Variants in QKI observed in about 807,000 individuals in gnomAD.
The protein encoded by QKI is KH domain-containing RNA-binding protein QKI.
QKI carries 10 observed loss-of-function variants against 39.0 expected under a neutral mutation model. That is an observed-to-expected ratio of 0.26 (90% CI 0.16 to 0.43). QKI has a LOEUF of 0.43. QKI is among the 20% of genes least tolerant of loss of function. QKI has a pLI of 1.00. For missense variants in QKI, 218 were observed against 428.0 expected (o/e 0.51, Z 4.33); for synonymous variants, 204 against 155.4 (o/e 1.31, Z -2.33).
intron 1 of QKI, among the ~76,000 whole-genome samples, chr6:163,442,435 C>G (rs931147254): frequency 1.3e-5 from 2 of 152,084 alleles, no homozygotes; most frequent in Non-Finnish European, 2.9e-5. Flanking sequence ...AAAGTTTGAA[C>G]AGAGGAGTGA....
intron 3 of QKI, among the ~76,000 whole-genome samples, chr6:163,515,702 G>A (rs1211648656): frequency 2.6e-5 from 4 of 152,102 alleles, no homozygotes; most frequent in Non-Finnish European, 4.4e-5. Flanking sequence ...ATGATATGGC[G>A]ATAGGTCATT....
chr6:163,483,283 C>T (rs1157888993), intron 3 of QKI, among the ~76,000 whole-genome samples: 1 of 152,094 alleles, frequency 6.6e-6, no homozygotes, highest in African/African-American at 2.4e-5. Flanking sequence ...ATGTTGATGG[C>T]ATGTTGATGG....
intron 1 of QKI, among the ~76,000 whole-genome samples, chr6:163,453,983 TGCC>T: frequency 6.6e-6 from 1 of 152,064 alleles, no homozygotes; most frequent in African/African-American, 2.4e-5. Flanking sequence ...AATTAAAGAG[TGCC>T]TTCATATTTG....
chr6:163,428,702 C>T (rs1788596979), intron 1 of QKI, among the ~76,000 whole-genome samples: 1 of 149,996 alleles, frequency 6.7e-6, no homozygotes, highest in Non-Finnish European at 1.5e-5. Flanking sequence ...CAGAAGTGTA[C>T]TTTAATGTAT....
At chr6:163,460,619 C>T (rs1263627882) in intron 2 of QKI, among the ~76,000 whole-genome samples, 1 of 152,040 alleles carries the variant, frequency 6.6e-6, no homozygotes, top group African/African-American at 2.4e-5. Flanking sequence ...GGGTGTTGAG[C>T]TGGCGTTTGT....
At chr6:163,480,417 G>A (rs1182011325) in intron 3 of QKI, among the ~76,000 whole-genome samples, 1 of 152,118 alleles carries the variant, frequency 6.6e-6, no homozygotes, top group East Asian at 1.9e-4. Context: ...CAGGGTATCT[G>A]ATAAACTTGT....
At chr6:163,514,506 G>A (rs955124742) in intron 3 of QKI, among the ~76,000 whole-genome samples, 1 of 152,032 alleles carries the variant, frequency 6.6e-6, no homozygotes, top group Non-Finnish European at 1.5e-5. Flanking sequence ...TGGTAGTTGG[G>A]ACAGTTCTAA....
chr6:163,450,850 C>A (rs1424142261), intron 1 of QKI, among the ~76,000 whole-genome samples: 2 of 152,212 alleles, frequency 1.3e-5, no homozygotes, highest in African/African-American at 4.8e-5. Flanking sequence ...GATGGCATAA[C>A]CTGTAGATTC....
chr6:163,488,995 A>T lies in QKI; in HGVS notation c.402+10099A>T, dbSNP rs538729872. Among the ~76,000 whole-genome samples, 102 of 145,372 alleles carry T rather than the reference A, an allele frequency of 7.0e-4. 2 individuals carry two copies. In the South Asian group the frequency reaches 0.02, roughly 29 times the overall value. On this transcript the variant is annotated intron_variant, in intron 3 of 7. Coordinates refer to ENST00000361752, the MANE Select transcript of QKI (RefSeq NM_006775.3). ...TTTCTTTTTTTTTTTTTTTTTAAAC[A>T]TAAACAGTTATGTAACAGTTTTGTG...
At chr6:163,552,307 C>G (rs914811740) in intron 4 of QKI, among the ~76,000 whole-genome samples, 1 of 142,992 alleles carries the variant, frequency 7.0e-6, no homozygotes, top group Non-Finnish European at 1.5e-5. Context: ...CTCCCGGGTT[C>G]ATGCCATTCT....
chr6:163,479,715 T>A (rs1335584478), intron 3 of QKI, among the ~76,000 whole-genome samples: 1 of 152,258 alleles, frequency 6.6e-6, no homozygotes, highest in Non-Finnish European at 1.5e-5. Flanking sequence ...AATTAAAATA[T>A]CAGTTCATCA....
intron 4 of QKI, among the ~76,000 whole-genome samples, chr6:163,555,927 C>A (rs1249990201): frequency 6.6e-6 from 1 of 152,080 alleles, no homozygotes; most frequent in Non-Finnish European, 1.5e-5. Context: ...GATACTTCCA[C>A]TTAAAGGCAT....
chr6:163,446,362 T>A (rs531481527), intron 1 of QKI, among the ~76,000 whole-genome samples: 1 of 152,226 alleles, frequency 6.6e-6, no homozygotes, highest in African/African-American at 2.4e-5. Flanking sequence ...TTTCCATTGC[T>A]AAGAGTTTAT....
chr6:163,429,388 G>A (rs900582470), intron 1 of QKI, among the ~76,000 whole-genome samples: 2 of 151,704 alleles, frequency 1.3e-5, no homozygotes, highest in East Asian at 1.9e-4. Flanking sequence ...TTGGAATTAC[G>A]GTTTTTAAAA....
chr6:163,558,498 C>G (rs1420350930), intron 4 of QKI, among the ~76,000 whole-genome samples: 3 of 150,614 alleles, frequency 2.0e-5, no homozygotes, highest in Non-Finnish European at 4.4e-5. Flanking sequence ...CTTCCAAGTT[C>G]AAGCGATTCT....
rs1312535287 is a variant in QKI at position 163,426,488 on chromosome 6, G to T, written c.142+11153G>T. Among the ~76,000 whole-genome samples the T allele has an allele frequency of 2.0e-5, 3 of 152,164 alleles. No homozygotes were observed. In the East Asian group the frequency reaches 5.8e-4, roughly 29 times the overall value. ...TTAGAGTGGTGATAGATGGATCCTT[G>T]TACTTTAAAGGTAGTTTTTTTTGTT... On this transcript the variant is annotated intron_variant, in intron 1 of 7. Coordinates refer to ENST00000361752, the MANE Select transcript of QKI (RefSeq NM_006775.3).
intron 3 of QKI, among the ~76,000 whole-genome samples, chr6:163,480,000 TTGTTTC>T (rs1024662656): frequency 1.8e-4 from 27 of 152,296 alleles, no homozygotes; most frequent in African/African-American, 6.0e-4. Flanking sequence ...TTAAAGTATA[TTGTTTC>T]TGTTTCTGTG....
In QKI at chr6:163,573,722, AT is replaced by A. The variant is rs1488261484; in HGVS notation, c.*3016del. ...TTAGTTGGGATTTTACATAGCTTGC[AT>A]TTTAATTCTTTGGTTCTTTGCTGTT... On this transcript the variant is annotated 3_prime_UTR_variant, in exon 8 of 8. Transcript: ENST00000361752. 1 of 152,202 alleles carries A rather than the reference AT, an allele frequency of 6.6e-6. No individual in the cohort carries two copies. The highest frequency in any genetic ancestry group is 1.5e-5 in the Non-Finnish European group (1 of 68,030). The allele number at this position is 152,202 out of a possible 1,614,324, so 9.4% of individuals were successfully genotyped here.
intron 1 of QKI, among the ~76,000 whole-genome samples, chr6:163,440,704 A>G (rs915526711): frequency 8.5e-5 from 13 of 152,146 alleles, no homozygotes; most frequent in African/African-American, 1.2e-4. Context: ...TGCTTCAACT[A>G]TAGTTTTTGT....
Sources: allele counts gnomAD v4.1 joint callset (sites outside exome capture counted in the v4.1 genomes callset), GRCh38; gene constraint gnomAD v4.1.1; transcripts MANE v1.5; gene names NCBI Gene and HGNC (gene_info 2026-07-23, HGNC 2026-07-21).